Variants in CHRM3 observed in about 807,000 individuals in gnomAD.
CHRM3 encodes cholinergic receptor muscarinic 3.
Under a neutral mutation model 41.8 loss-of-function variants are expected in CHRM3, and 11 were observed. The ratio of observed to expected loss-of-function variants is 0.26; its 90% CI spans 0.17 to 0.44. CHRM3 has a LOEUF of 0.44. Ranked by LOEUF, CHRM3 falls within the 20% of genes least tolerant of loss-of-function variation. The pLI, the probability that CHRM3 is intolerant of heterozygous loss-of-function variation, is 1.00. For missense variants in CHRM3, 571 were observed against 745.4 expected, an observed-to-expected ratio of 0.77 and a Z score of 2.72; for synonymous variants, 297 against 301.4, an observed-to-expected ratio of 0.99 and a Z score of 0.15.
chr1:239,389,894 G>A (rs568130495), intron 1 of CHRM3, among the ~76,000 whole-genome samples: 2 of 152,232 alleles, frequency 1.3e-5, no homozygotes, highest in Non-Finnish European at 2.9e-5. Context: ...GTTTATACTG[G>A]GAACAGCTGT....
intron 3 of CHRM3, among the ~76,000 whole-genome samples, chr1:239,550,877 G>C (rs1659743908): frequency 6.6e-6 from 1 of 152,068 alleles, no homozygotes; most frequent in Non-Finnish European, 1.5e-5. Context: ...TGACTGCATT[G>C]CTATGAGTTA....
intron 2 of CHRM3, among the ~76,000 whole-genome samples, chr1:239,495,512 C>G (rs941723008): frequency 5.9e-5 from 9 of 152,148 alleles, no homozygotes; most frequent in Non-Finnish European, 8.8e-5. Flanking sequence ...CTTCTTCAGA[C>G]CTATACTGCA....
At chr1:239,704,816 G>A (rs946917231) in intron 5 of CHRM3, 4 of 152,152 alleles carry the variant, frequency 2.6e-5, no homozygotes, top group African/African-American at 7.2e-5. Flanking sequence ...CAAGGGTTAC[G>A]GCAGAATTTA....
At chr1:239,798,427 C>A (rs567565964) in intron 5 of CHRM3, among the ~76,000 whole-genome samples, 3 of 152,120 alleles carry the variant, frequency 2.0e-5, no homozygotes, top group Non-Finnish European at 4.4e-5. Flanking sequence ...AGAATATAAG[C>A]TCCTTGATGG....
intron 5 of CHRM3, among the ~76,000 whole-genome samples, chr1:239,760,388 A>C (rs567616841): frequency 2.6e-4 from 39 of 152,150 alleles, no homozygotes; most frequent in Non-Finnish European, 4.6e-4. Flanking sequence ...CTGAAAAAAA[A>C]ATATGTAGTT....
chr1:239,731,662 C>T (rs754654694), intron 5 of CHRM3, among the ~76,000 whole-genome samples: 6 of 151,892 alleles, frequency 4.0e-5, no homozygotes, highest in Non-Finnish European at 8.8e-5. Flanking sequence ...TGAACACTTT[C>T]TAGTACAAAT....
intron 5 of CHRM3, among the ~76,000 whole-genome samples, chr1:239,786,461 G>A (rs920965324): frequency 2.6e-5 from 4 of 152,186 alleles, no homozygotes; most frequent in Admixed American, 2.0e-4. Context: ...AGCTGAGACC[G>A]AGAGAGGGTA....
intron 2 of CHRM3, among the ~76,000 whole-genome samples, chr1:239,540,197 A>G (rs1284338102): frequency 6.6e-6 from 1 of 152,210 alleles, no homozygotes; most frequent in Non-Finnish European, 1.5e-5. Flanking sequence ...TATAAGAAAT[A>G]AATTTCTTCT....
chr1:239,740,909 A>G (rs1168772661), intron 5 of CHRM3, among the ~76,000 whole-genome samples: 1 of 152,158 alleles, frequency 6.6e-6, no homozygotes, highest in African/African-American at 2.4e-5. Flanking sequence ...GTGAAGGTTA[A>G]ATTTAGATAT....
chr1:239,402,963 G>A (rs549616450), intron 1 of CHRM3, among the ~76,000 whole-genome samples: 2 of 152,052 alleles, frequency 1.3e-5, no homozygotes, highest in East Asian at 3.9e-4. Flanking sequence ...TTTTTTTCTG[G>A]AATATTTTTG....
At chr1:239,842,242 G>A (rs1431156016) in intron 6 of CHRM3, among the ~76,000 whole-genome samples, 2 of 149,426 alleles carry the variant, frequency 1.3e-5, no homozygotes, top group South Asian at 2.1e-4. Context: ...GGGTTGGGGG[G>A]ACAGAGTCCC....
intron 3 of CHRM3, among the ~76,000 whole-genome samples, chr1:239,598,805 G>A (rs12402224): frequency 0.82 from 124,261 of 151,910 alleles, 53,301 homozygotes; most frequent in Non-Finnish European, 0.93. Flanking sequence ...TTGGGAATAT[G>A]GGCTGTGAGG....
intron 2 of CHRM3, among the ~76,000 whole-genome samples, chr1:239,522,025 C>A (rs1669679991): frequency 9.0e-6 from 1 of 111,242 alleles, no homozygotes; most frequent in Non-Finnish European, 2.1e-5. Context: ...ATATTGTTTT[C>A]TTTTCTTTTC....
intron 2 of CHRM3, among the ~76,000 whole-genome samples, chr1:239,495,009 A>G (rs1667791281): frequency 6.6e-6 from 1 of 152,112 alleles, no homozygotes. Context: ...CTTTCCAGTC[A>G]TCCTTGTATT....
In CHRM3 at chr1:239,701,610, C is replaced by A. The variant is rs1438209273; in HGVS notation, c.-147+23322C>A. On this transcript the variant is annotated intron_variant, in intron 5 of 6. Coordinates refer to ENST00000676153, the MANE Select transcript of CHRM3 (RefSeq NM_001375978.1). ...TCTTACCTCTCACGTTCTCATCCAT[C>A]CTGCATAACATTGCCTGATCATTTT... Among the ~76,000 whole-genome samples, 8 of 152,194 alleles carry A rather than the reference C, an allele frequency of 5.3e-5. No homozygotes were observed. The East Asian group carries it at 1.5e-3, about 29-fold the overall frequency.
intron 5 of CHRM3, among the ~76,000 whole-genome samples, chr1:239,693,714 G>T (rs1659926702): frequency 6.6e-6 from 1 of 152,178 alleles, no homozygotes; most frequent in African/African-American, 2.4e-5. Context: ...CAAGGTGAGG[G>T]TGGTAGGAAA....
In CHRM3 at chr1:239,799,872, G is replaced by C. The variant is rs118040831; in HGVS notation, c.-146-27380G>C. ...GAGTAACAGGGTCAAATGAGAGCAC[G>C]TTGGAAGCTTAGACTGTAAACAGGT... On this transcript the variant is annotated intron_variant, in intron 5 of 6. Coordinates refer to ENST00000676153, the MANE Select transcript of CHRM3 (RefSeq NM_001375978.1). 7.0e-4 allele frequency among the ~76,000 whole-genome samples: 106 copies of C among 152,304 alleles called. 1 individual carries two copies. In the East Asian group the frequency reaches 0.019, roughly 27 times the overall value.
intron 4 of CHRM3, among the ~76,000 whole-genome samples, chr1:239,638,768 T>G (rs1056624569): frequency 6.6e-6 from 1 of 152,214 alleles, no homozygotes; most frequent in African/African-American, 2.4e-5. Flanking sequence ...GTTAGTTTAA[T>G]TAGATCCCAT....
rs577343549 is a variant in CHRM3, at chr1:239,708,342, T to G, written c.-147+30054T>G. ...TATGCTGGTCCAAGCTTGGATTAGCTCTTACTCAGATGATTGCAGGAGACT... is the reference window on the plus strand; with the variant it reads ...TATGCTGGTCCAAGCTTGGATTAGCGCTTACTCAGATGATTGCAGGAGACT... On this transcript the variant is annotated intron_variant, in intron 5 of 6. Transcript: ENST00000676153. Among the ~76,000 whole-genome samples the G allele has an allele frequency of 1.5e-4, 23 of 152,292 alleles. No homozygotes were observed. In the East Asian group the frequency reaches 4.3e-3, roughly 28 times the overall value.
Sources: allele counts gnomAD v4.1 joint callset (sites outside exome capture counted in the v4.1 genomes callset), GRCh38; gene constraint gnomAD v4.1.1; transcripts MANE v1.5; gene names NCBI Gene and HGNC (gene_info 2026-07-23, HGNC 2026-07-21).